The following CNTN6 variants were observed in gnomAD, a reference collection of about 807,000 sequenced individuals.
CNTN6 encodes the protein contactin 6, also known as contactin-6.
A neutral mutation model predicts 122.8 loss-of-function variants in CNTN6; 137 were observed. That is an observed-to-expected ratio of 1.12 (90% confidence interval 0.97 to 1.29). The LOEUF (loss-of-function observed/expected upper bound fraction) is 1.29. CNTN6 is among the 50% of genes most tolerant of loss of function. The probability of loss-of-function intolerance (pLI) is 0.00; values close to 1 mark genes in which losing one functional copy is unlikely to be tolerated. For missense variants in CNTN6, 1,634 were observed against 1,223.4 expected, an observed-to-expected ratio of 1.34 and a Z score of -5.01; for synonymous variants, 570 against 426.0, an observed-to-expected ratio of 1.34 and a Z score of -4.16.
At chr3:1,145,117 T>G (rs2092697317) in intron 1 of CNTN6, among the ~76,000 whole-genome samples, 2 of 152,084 alleles carry the variant, frequency 1.3e-5, no homozygotes, top group Non-Finnish European at 1.5e-5. Context: ...AAACTGTCCA[T>G]GAAGGGGAAC....
intron 2 of CNTN6, among the ~76,000 whole-genome samples, chr3:1,171,231 A>G (rs771899245): frequency 1.3e-5 from 2 of 152,228 alleles, no homozygotes; most frequent in Non-Finnish European, 1.5e-5. Flanking sequence ...CTCATTTATC[A>G]TAAGTGAATA....
rs777868098 is a variant in CNTN6 at position 1,383,069 on chromosome 3, A to G, written c.2294A>G (p.Asn765Ser). ...SVESSRFVYRNESIIPLSPFE... is the reference protein window; with the variant it reads ...SVESSRFVYRSESIIPLSPFE... ...GAATCATCAAGGTTTGTCTACAGAA[A>G]TGAAAGCATCATCCCACTGTCTCCC... The change falls in exon 18 of 23, where the codon AAT becomes AGT. Residue 765 changes from asparagine to serine, a missense_variant. Transcript: ENST00000446702. The G allele has an allele frequency of 5.0e-6, 8 of 1,613,950 alleles. No individual in the cohort carries two copies. Among genetic ancestry groups the G allele is most frequent in the Non-Finnish European group, 6.8e-6 (8 of 1,179,952 alleles).
chr3:1,143,389 C>A (rs1168475654), intron 1 of CNTN6, among the ~76,000 whole-genome samples: 4 of 152,042 alleles, frequency 2.6e-5, no homozygotes. Flanking sequence ...AAACAAAATG[C>A]TGGTGATACA....
intron 2 of CNTN6, among the ~76,000 whole-genome samples, chr3:1,211,832 A>T (rs1334553704): frequency 2.0e-5 from 3 of 152,144 alleles, no homozygotes; most frequent in African/African-American, 7.2e-5. Context: ...GGAGAGAGAA[A>T]CACCAGAGCC....
At chr3:1,179,339 C>T (rs1003017337) in intron 2 of CNTN6, among the ~76,000 whole-genome samples, 2 of 152,120 alleles carry the variant, frequency 1.3e-5, no homozygotes, top group East Asian at 1.9e-4. Context: ...ATATCAATCT[C>T]GGAGTCTCTA....
intron 2 of CNTN6, among the ~76,000 whole-genome samples, chr3:1,191,745 C>T (rs1382119349): frequency 6.6e-6 from 1 of 152,080 alleles, no homozygotes; most frequent in Non-Finnish European, 1.5e-5. Flanking sequence ...GGATTGAACT[C>T]CTAACCTGTG....
intron 11 of CNTN6, among the ~76,000 whole-genome samples, chr3:1,340,858 A>C (rs994483627): frequency 6.6e-6 from 1 of 152,158 alleles, no homozygotes; most frequent in Non-Finnish European, 1.5e-5. Flanking sequence ...TGAAAGGGTT[A>C]ATAATCATTA....
chr3:1,165,137 C>T (rs541757542), intron 2 of CNTN6, among the ~76,000 whole-genome samples: 2 of 152,232 alleles, frequency 1.3e-5, no homozygotes, highest in African/African-American at 2.4e-5. Context: ...CATGCTTGTC[C>T]ATGGTTATTT....
chr3:1,140,476 T>A (rs1403005861), intron 1 of CNTN6, among the ~76,000 whole-genome samples: 2 of 152,146 alleles, frequency 1.3e-5, no homozygotes, highest in East Asian at 1.9e-4. Flanking sequence ...CAACTACTTA[T>A]CTCCTCTAGG....
intron 11 of CNTN6, among the ~76,000 whole-genome samples, chr3:1,351,249 A>G (rs1294747177): frequency 1.3e-5 from 2 of 151,972 alleles, no homozygotes; most frequent in Admixed American, 6.6e-5. Context: ...TGTGTTATAC[A>G]TATATTAGAA....
chr3:1,342,710 C>A (rs968687985), intron 11 of CNTN6, among the ~76,000 whole-genome samples: 1 of 152,048 alleles, frequency 6.6e-6, no homozygotes, highest in Non-Finnish European at 1.5e-5. Context: ...TTAGGAACCA[C>A]CAAACGGGGT....
chr3:1,394,693 T>C (rs1694765933), intron 20 of CNTN6, among the ~76,000 whole-genome samples: 1 of 152,080 alleles, frequency 6.6e-6, no homozygotes, highest in East Asian at 1.9e-4. Flanking sequence ...TGCTAAATTA[T>C]TCTATGTTTT....
chr3:1,359,545 G>T (rs990677414), intron 12 of CNTN6, among the ~76,000 whole-genome samples: 1 of 151,974 alleles, frequency 6.6e-6, no homozygotes, highest in Non-Finnish European at 1.5e-5. Flanking sequence ...AGGTAAATTG[G>T]AATATATTGA....
intron 12 of CNTN6, among the ~76,000 whole-genome samples, chr3:1,361,464 A>C (rs556470282): frequency 2.0e-5 from 3 of 152,120 alleles, no homozygotes; most frequent in Non-Finnish European, 4.4e-5. Flanking sequence ...AATACTAATT[A>C]AATGGTTTTC....
chr3:1,359,647 T>C (rs914047764), intron 12 of CNTN6, among the ~76,000 whole-genome samples: 1 of 152,102 alleles, frequency 6.6e-6, no homozygotes, highest in Non-Finnish European at 1.5e-5. Context: ...GATACACGTG[T>C]GAGCAGATAA....
chr3:1,189,331 A>G, intron 2 of CNTN6, among the ~76,000 whole-genome samples: 1 of 152,164 alleles, frequency 6.6e-6, no homozygotes, highest in East Asian at 1.9e-4. Context: ...TTCATTCTGG[A>G]AAGGAGGAGG....
chr3:1,137,163 G>A (rs1490049613), intron 1 of CNTN6, among the ~76,000 whole-genome samples: 2 of 152,086 alleles, frequency 1.3e-5, no homozygotes, highest in Non-Finnish European at 2.9e-5. Flanking sequence ...TGGTATACAC[G>A]ATGCCTTCCA....
At chr3:1,203,077 T>C (rs886334049) in intron 2 of CNTN6, among the ~76,000 whole-genome samples, 2 of 152,182 alleles carry the variant, frequency 1.3e-5, no homozygotes, top group Non-Finnish European at 2.9e-5. Context: ...ACAGGAAATA[T>C]GTAAGAGGTT....
chr3:1,247,661 C>A (rs942743515), intron 4 of CNTN6, among the ~76,000 whole-genome samples: 1 of 152,118 alleles, frequency 6.6e-6, no homozygotes, highest in East Asian at 1.9e-4. Flanking sequence ...AGTATAATCA[C>A]CCTGAGTATA....
Sources: gnomAD v4.1 joint callset for allele counts (sites outside exome capture counted in the v4.1 genomes callset) on GRCh38, gnomAD v4.1.1 for gene constraint, MANE v1.5 for transcripts, NCBI Gene and HGNC (gene_info 2026-07-23, HGNC 2026-07-21) for gene names.